The following DHX9 variants were observed in gnomAD, a reference collection of about 807,000 sequenced individuals.
DHX9 encodes DExH-box helicase 9.
DHX9 carries 27 observed loss-of-function variants against 148.7 expected under a neutral mutation model. The ratio of observed to expected loss-of-function variants is 0.18; its 90% CI spans 0.13 to 0.25. DHX9 has a LOEUF of 0.25. DHX9 is among the 10% of genes least tolerant of loss of function. The pLI, the probability that DHX9 is intolerant of heterozygous loss-of-function variation, is 1.00. For missense variants in DHX9, 796 were observed against 1,559.6 expected (o/e 0.51, Z 8.25); for synonymous variants, 529 against 516.6 (o/e 1.02, Z -0.33).
At chr1:182,854,008 T>C (rs751416663) in intron 5 of DHX9, 22 bp from the exon 6 acceptor site, 1 of 1,603,060 alleles carries the variant, frequency 6.2e-7, no homozygotes, top group Admixed American at 1.8e-5. Context: ...ACAGCCAAAT[T>C]TAATTATCAT....
chr1:182,875,115 A>T, intron 16 of DHX9, 161 bp downstream of exon 16: 1 of 678,204 alleles, frequency 1.5e-6, no homozygotes, highest in Non-Finnish European at 2.7e-6. Flanking sequence ...TACTGCAAAA[A>T]AATTCCAGGT....
intron 24 of DHX9, among the ~76,000 whole-genome samples, chr1:182,882,749 C>T (rs1649144069): frequency 6.6e-6 from 1 of 151,856 alleles, no homozygotes. Flanking sequence ...CCTGTAGTCC[C>T]AGCTACTTGG....
intron 3 of DHX9, among the ~76,000 whole-genome samples, chr1:182,847,778 C>T (rs1668058712): frequency 6.6e-6 from 1 of 152,188 alleles, no homozygotes; most frequent in East Asian, 1.9e-4. Context: ...ATACTCCGTG[C>T]TTCCCCATTT....
intron 15 of DHX9, among the ~76,000 whole-genome samples, chr1:182,874,218 GA>G (rs1215819569): frequency 2.0e-5 from 3 of 152,208 alleles, no homozygotes; most frequent in African/African-American, 7.2e-5. Flanking sequence ...GGGAAGAAGG[GA>G]AAATGAGTAA....
chr1:182,876,786 C>CT (rs1648824543), intron 18 of DHX9, 44 bp from the exon 19 acceptor site: 7 of 1,438,878 alleles, frequency 4.9e-6, no homozygotes, highest in Non-Finnish European at 5.8e-6. Context: ...TTTTAAGTAA[C>CT]TAATAAGAAT....
At chr1:182,861,830 T>C (rs896046360) in intron 12 of DHX9, among the ~76,000 whole-genome samples, 1 of 152,236 alleles carries the variant, frequency 6.6e-6, no homozygotes, top group Non-Finnish European at 1.5e-5. Flanking sequence ...AAAATCAGTC[T>C]CATACCTCTT....
intron 21 of DHX9, among the ~76,000 whole-genome samples, chr1:182,879,672 G>T (rs192174943): frequency 3.9e-4 from 59 of 152,278 alleles, no homozygotes; most frequent in Admixed American, 1.3e-3. Flanking sequence ...ATGTACTAAA[G>T]ATCAGAACAT....
chr1:182,871,865 C>T (rs1386978417), intron 14 of DHX9, among the ~76,000 whole-genome samples: 1 of 152,170 alleles, frequency 6.6e-6, no homozygotes, highest in East Asian at 1.9e-4. Context: ...CCAGCCTGGC[C>T]AACATGGCTC....
chr1:182,847,079 T>A (rs958325149), intron 3 of DHX9, among the ~76,000 whole-genome samples: 1 of 152,184 alleles, frequency 6.6e-6, no homozygotes, highest in Admixed American at 6.5e-5. Flanking sequence ...TTTTCTCTGG[T>A]GGCATTTCTT....
chr1:182,886,543 C>T (rs1055339764), intron 27 of DHX9, among the ~76,000 whole-genome samples: 3 of 152,034 alleles, frequency 2.0e-5, no homozygotes, highest in Non-Finnish European at 2.9e-5. Flanking sequence ...GTGTTATTCT[C>T]GAAGAAAAGC....
At chr1:182,884,999 C>T (rs928146863) in intron 27 of DHX9, among the ~76,000 whole-genome samples, 186 bp downstream of exon 27, 1 of 152,122 alleles carries the variant, frequency 6.6e-6, no homozygotes, top group Admixed American at 6.5e-5. Context: ...ATGTCATTTA[C>T]TTTTTTGTTA....
At chr1:182,853,672 G>A (rs368070912) in intron 5 of DHX9, among the ~76,000 whole-genome samples, 6 of 152,150 alleles carry the variant, frequency 3.9e-5, no homozygotes, top group African/African-American at 1.4e-4. Flanking sequence ...CAGCTTTATA[G>A]GAAATGTAAT....
intron 3 of DHX9, among the ~76,000 whole-genome samples, chr1:182,851,683 T>G (rs912800920): frequency 6.6e-6 from 1 of 152,208 alleles, no homozygotes; most frequent in African/African-American, 2.4e-5. Context: ...TTCCTTAGTT[T>G]AGAAAACCAA....
rs1557982786 is a variant in DHX9, at chr1:182,887,324, A to G, written c.3703A>G (p.Arg1235Gly). The G allele has an allele frequency of 1.9e-6, 3 of 1,614,166 alleles. No homozygotes were observed. The highest frequency in any genetic ancestry group is 1.7e-6 in the Non-Finnish European group (2 of 1,180,004). Residue 1235 changes from arginine to glycine, a missense_variant, in exon 28 of 28, where the codon AGA becomes GGA. Arg to Gly is a moderately radical substitution (Grantham distance 125). Around this residue, in one of 14 missense-constraint regions of DHX9, gnomAD observed 98 missense variants for 105.5 expected, o/e 0.93. Transcript: ENST00000367549. ...GFRGNSGGDY[R>G]GPSGGYRGSG... Reference sequence around the variant, plus strand: ...TAGAGGCAACTCTGGAGGAGACTACAGAGGGCCTAGTGGAGGCTACAGAGG... The same window carrying G: ...TAGAGGCAACTCTGGAGGAGACTACGGAGGGCCTAGTGGAGGCTACAGAGG...
chr1:182,839,753 G>C (rs1318500573), intron 1 of DHX9: 2 of 152,372 alleles, frequency 1.3e-5, no homozygotes, highest in Non-Finnish European at 2.9e-5. Context: ...CGTACGCCGG[G>C]GCACCGCGGC....
rs146239546 is a variant in DHX9 at position 182,886,691 on chromosome 1, A to G, written c.3462-392A>G. ...AGATTTAGGCATTATTACCAAGGAC[A>G]TTTTTCAAAATCATATTTCAGAATT... is the stretch of plus-strand genomic sequence containing the variant. On this transcript the variant is annotated intron_variant, in intron 27 of 27. Transcript: ENST00000367549. 5.2e-3 allele frequency among the ~76,000 whole-genome samples: 795 copies of G among 152,276 alleles called. 3 individuals carry two copies. Among genetic ancestry groups the G allele is most frequent in the African/African-American group, 0.017 (727 of 41,546 alleles).
intron 3 of DHX9, among the ~76,000 whole-genome samples, chr1:182,851,466 A>G (rs540955529): frequency 6.6e-6 from 1 of 152,356 alleles, no homozygotes; most frequent in Non-Finnish European, 1.5e-5. Flanking sequence ...TTTTGAATGA[A>G]TTAGCTTTCA....
rs1649247487 is a variant in DHX9 at position 182,884,790 on chromosome 1, C to G, written c.3438C>G (p.Ile1146Met). 6.2e-7 allele frequency: 1 copy of G among 1,613,998 alleles called. No individual in the cohort carries two copies. Among genetic ancestry groups the G allele is most frequent in the Admixed American group, 1.7e-5 (1 of 59,998 alleles). ...RQISRPSAAGINLMIGSTRYG... is the reference protein window; with the variant it reads ...RQISRPSAAGMNLMIGSTRYG... The stretch of plus-strand genomic sequence containing the variant: ...TCTCTAGACCCTCAGCTGCTGGTAT[C>G]AACCTTATGATTGGCAGTACACGGT... Residue 1146 changes from isoleucine to methionine, a missense_variant, in exon 27 of 28, where the codon ATC (isoleucine) becomes ATG (methionine). Coordinates refer to ENST00000367549, the MANE Select transcript of DHX9 (RefSeq NM_001357.5).
At chr1:182,844,630 T>C (rs974722481) in intron 3 of DHX9, among the ~76,000 whole-genome samples, 1 of 152,158 alleles carries the variant, frequency 6.6e-6, no homozygotes, top group Non-Finnish European at 1.5e-5. Flanking sequence ...ACCTCCTGGG[T>C]TCAAGCAGTT....
Sources: gnomAD v4.1 joint callset for allele counts (sites outside exome capture counted in the v4.1 genomes callset) on GRCh38, gnomAD v4.1.1 for gene constraint, gnomAD v4.1.1 regional missense constraint, MANE v1.5 for transcripts, NCBI Gene and HGNC (gene_info 2026-07-23, HGNC 2026-07-21) for gene names.